Variants in PDK2 observed in about 807,000 individuals in gnomAD.
The protein encoded by PDK2 is pyruvate dehydrogenase kinase, isozyme 2.
PDK2 carries 34 observed loss-of-function variants against 50.4 expected under a neutral mutation model. The observed-to-expected ratio is 0.68, with a 90% CI of 0.51 to 0.90. The LOEUF is 0.90. Among genes scored for constraint, PDK2 ranks in the 40% least tolerant of loss-of-function variants. PDK2 has a pLI of 0.00. For synonymous variants in PDK2, 232 were observed against 216.0 expected (o/e 1.07, Z -0.65); for missense variants, 377 against 544.5 (o/e 0.69, Z 3.06).
intron 6 of PDK2, 31 bp downstream of exon 6, chr17:50,107,184 C>A (rs1477019295): frequency 1.9e-6 from 3 of 1,592,914 alleles, no homozygotes; most frequent in Middle Eastern, 1.7e-4. Context: ...ATGTGTCTGT[C>A]TTGGGGCTGG....
chr17:50,105,850 G>T (rs1295588502), intron 3 of PDK2, 35 bp from the exon 4 acceptor site: 3 of 1,605,064 alleles, frequency 1.9e-6, no homozygotes, highest in African/African-American at 2.7e-5. Context: ...AAGAGTCTGG[G>T]GGTGTCCCAT....
Position 50,108,364 on chromosome 17 carries a change from C to A in PDK2, c.808C>A (p.Leu270Ile). 1 of 1,614,150 alleles carries A rather than the reference C, an allele frequency of 6.2e-7. No homozygotes were observed. Among genetic ancestry groups the A allele is most frequent in the Non-Finnish European group, 8.5e-7 (1 of 1,179,970 alleles). ...TVESHESSLI[L>I]PPIKVMVALG... ...GGAAAGCCATGAGTCCAGCCTCATT[C>A]TCCCACCCATCAAGGTCATGGTGGC... The change falls in exon 8 of 11, where the codon CTC (leucine) becomes ATC (isoleucine). Residue 270 changes from leucine to isoleucine, a missense_variant. Coordinates refer to ENST00000503176, the MANE Select transcript of PDK2 (RefSeq NM_002611.5).
intron 2 of PDK2, 74 bp downstream of exon 2, chr17:50,097,638 A>C: frequency 7.4e-5 from 115 of 1,552,978 alleles, no homozygotes; most frequent in Middle Eastern, 1.7e-4. Flanking sequence ...TGGCATCTCC[A>C]AGCTTTTAGC....
chr17:50,108,749 C>T, intron 9 of PDK2, 30 bp downstream of exon 9: 2 of 1,351,108 alleles, frequency 1.5e-6, no homozygotes, highest in South Asian at 1.2e-5. Flanking sequence ...GCCCCTCCCA[C>T]CTCCTGAGGG....
At chr17:50,103,192 G>C (rs757449388) in intron 2 of PDK2, among the ~76,000 whole-genome samples, 10 of 152,164 alleles carry the variant, frequency 6.6e-5, no homozygotes, top group South Asian at 4.1e-4. Flanking sequence ...GAGAAAGGCT[G>C]ATCTTTTCTG....
intron 2 of PDK2, chr17:50,100,570 G>A (rs1295825659): frequency 1.3e-5 from 2 of 152,224 alleles, no homozygotes; most frequent in Non-Finnish European, 2.9e-5. Flanking sequence ...AGCCCACAGA[G>A]GATGTAATTG....
rs767009276 is a variant in PDK2 at position 50,109,385 on chromosome 17, T to G, written c.1068T>G (p.Ala356=). ...LFSMEGFGTD[A]VIYLKALSTD... ...CCATGGAAGGCTTTGGGACCGATGCTGTCATCTATCTCAAGGTGAGGGCCC... is the reference window on the plus strand; with the variant it reads ...CCATGGAAGGCTTTGGGACCGATGCGGTCATCTATCTCAAGGTGAGGGCCC... Residue 356 remains alanine, a synonymous_variant, in exon 10 of 11, where the codon GCT becomes GCG. Transcript: ENST00000503176. This position sits in a 1 kb window ranked among gnomAD's most constrained non-coding sequence, Gnocchi z 5.0. 7.5e-6 allele frequency: 12 copies of G among 1,609,850 alleles called. No homozygotes were observed. The highest frequency in any genetic ancestry group is 4.4e-5 in the South Asian group (4 of 90,800).
intron 2 of PDK2, among the ~76,000 whole-genome samples, chr17:50,103,069 C>T (rs1910318639): frequency 1.3e-5 from 2 of 152,204 alleles, no homozygotes; most frequent in South Asian, 4.1e-4. Flanking sequence ...GTGTGGGACT[C>T]GGCACAAGTG....
rs538900455 is a variant in PDK2 at position 50,105,802 on chromosome 17, G to A, written c.333-83G>A. On this transcript the variant is annotated intron_variant, in intron 3 of 10. Transcript: ENST00000503176. ...TCCATCGGATTGGGAAGGGTAGAGC[G>A]GGTGAAGACACCGTGGAGAGGGGAG... The A allele has an allele frequency of 1.6e-4, 249 of 1,515,904 alleles. No homozygotes were observed. In the African/African-American group the frequency reaches 2.1e-3, roughly 13 times the overall value. 93.9% of individuals were successfully genotyped at this position (1,515,904 alleles called of 1,614,324 possible).
At position 50,109,688 on chromosome 17, in the gene PDK2, C is replaced by T. The variant is rs1910720237; in HGVS notation, c.1084-269C>T. Among the ~76,000 whole-genome samples the T allele has an allele frequency of 6.6e-6, 1 of 152,182 alleles. No homozygotes were observed. Among genetic ancestry groups the T allele is most frequent in the Non-Finnish European group, 1.5e-5 (1 of 68,016 alleles). On this transcript the variant is annotated intron_variant, in intron 10 of 10. Transcript: ENST00000503176. This position sits in a 1 kb window ranked among gnomAD's most constrained non-coding sequence, Gnocchi z 5.0. ...AGGAAGGGGACACCCTAGGTCTTGC[C>T]ATTCAGTTCAGAGGAGAAGACTGAG...
At chr17:50,103,270 T>TAGGGAGGGGTGGGCGGTGAGCTCTGGGC in intron 2 of PDK2, among the ~76,000 whole-genome samples, 1 of 151,724 alleles carries the variant, frequency 6.6e-6, no homozygotes, top group Non-Finnish European at 1.5e-5. Flanking sequence ...GAGCTCTGGG[T>TAGGGAGGGGTGGGCGGTGAGCTCTGGGC]AGGGAGGGGT....
Position 50,107,160 on chromosome 17 carries a change from G to A in PDK2, c.685+7G>A. On this transcript the variant is annotated splice_region_variant and intron_variant, in intron 6 of 10. Coordinates refer to ENST00000503176, the MANE Select transcript of PDK2 (RefSeq NM_002611.5). Reference sequence around the variant, plus strand: ...GAGATCCAGGAGATCAATGGTGAGTGAGCGGGGCTGTGTATGTGTCTGTCT... The same window carrying A: ...GAGATCCAGGAGATCAATGGTGAGTAAGCGGGGCTGTGTATGTGTCTGTCT... The A allele has an allele frequency of 6.2e-7, 1 of 1,612,516 alleles. No homozygotes were observed.
At chr17:50,105,559 C>T (rs1159511743) in intron 3 of PDK2, 117 bp downstream of exon 3, 4 of 843,132 alleles carry the variant, frequency 4.7e-6, no homozygotes, top group African/African-American at 3.4e-5. Context: ...CCTTCAGAAA[C>T]ATCCAGTCTG....
rs1031003578 is a variant in PDK2 at position 50,095,372 on chromosome 17, G to C, written c.-64G>C. ...AGGAGGCGGCCGAACCGCGTCGCTG[G>C]GCCGAAAGGTGCGCGAGCGCTGCCC... On this transcript the variant is annotated 5_prime_UTR_variant, in exon 1 of 11. Transcript: ENST00000503176. 75 of 1,244,716 alleles carry C rather than the reference G, an allele frequency of 6.0e-5. 1 individual carries two copies. In the South Asian group the frequency reaches 6.2e-4, roughly 10 times the overall value. 77.1% of individuals were successfully genotyped at this position (1,244,716 alleles called of 1,614,324 possible).
intron 2 of PDK2, among the ~76,000 whole-genome samples, chr17:50,105,021 C>T (rs1406727206): frequency 1.3e-5 from 2 of 152,202 alleles, no homozygotes; most frequent in Admixed American, 1.3e-4. Context: ...CCACTGCAGG[C>T]GCTAGGTCCA....
At chr17:50,097,773 TA>T in intron 2 of PDK2, 1 of 545,466 alleles carries the variant, frequency 1.8e-6, no homozygotes, top group South Asian at 2.4e-5. Context: ...TCTCTGTGTC[TA>T]GCCCTCTTCT....
chr17:50,106,446 A>C, intron 4 of PDK2: 1 of 454,740 alleles, frequency 2.2e-6, no homozygotes, highest in Non-Finnish European at 3.9e-6. Context: ...CATAAATTAA[A>C]CAAGTTCCTC....
intron 1 of PDK2, among the ~76,000 whole-genome samples, chr17:50,097,193 G>A (rs1567710756): frequency 6.6e-6 from 1 of 152,182 alleles, no homozygotes; most frequent in Non-Finnish European, 1.5e-5. Flanking sequence ...TGTGGTTAAA[G>A]GCAAGCAGGG....
chr17:50,103,831 T>TTCA (rs1910356203), intron 2 of PDK2, among the ~76,000 whole-genome samples: 1 of 152,130 alleles, frequency 6.6e-6, no homozygotes, highest in Non-Finnish European at 1.5e-5. Flanking sequence ...ACTCGGGGGC[T>TTCA]TCATCATCCC....
Sources: allele counts gnomAD v4.1 joint callset (sites outside exome capture counted in the v4.1 genomes callset), GRCh38; gene constraint gnomAD v4.1.1; non-coding constraint Gnocchi (gnomAD v3.1); transcripts MANE v1.5; gene names NCBI Gene and HGNC (gene_info 2026-07-23, HGNC 2026-07-21).